NAV1: variants seen among roughly 807,000 people sequenced by gnomAD.
The protein encoded by NAV1 is pore membrane and/or filament interacting like protein 3.
Under a neutral mutation model 175.2 loss-of-function variants are expected in NAV1, and 18 were observed. The observed-to-expected ratio is 0.10, with a 90% CI of 0.07 to 0.15. NAV1 has a LOEUF of 0.15. Among genes scored for constraint, NAV1 ranks in the 10% least tolerant of loss-of-function variants. NAV1 has a pLI of 1.00. For missense variants in NAV1, 1,731 were observed against 2,436.6 expected, an observed-to-expected ratio of 0.71 and a Z score of 6.10; for synonymous variants, 897 against 978.7, an observed-to-expected ratio of 0.92 and a Z score of 1.56.
chr1:201,780,533 G>T (rs771012167), exon 4 of NAV1: 1 of 1,614,172 alleles, frequency 6.2e-7, no homozygotes, highest in Non-Finnish European at 8.5e-7. Context: ...TACTCCCACT[G>T]CTTCTCGCAG....
intron 1 of NAV1, among the ~76,000 whole-genome samples, chr1:201,668,380 T>C (rs1035067100): frequency 1.3e-5 from 2 of 152,146 alleles, no homozygotes; most frequent in Non-Finnish European, 2.9e-5. Context: ...TGATGTTCGT[T>C]AATGGGCACC....
chr1:201,678,325 C>T lies in NAV1; in HGVS notation c.757+28900C>T, dbSNP rs369173823. Reference sequence around the variant, plus strand: ...GAACTTTCCTGAAAGCTGCTGATAGCGCTCCAATGGCTGGTGTGTTTCAAG... The same window carrying T: ...GAACTTTCCTGAAAGCTGCTGATAGTGCTCCAATGGCTGGTGTGTTTCAAG... On this transcript the variant is annotated intron_variant, in intron 1 of 29. Coordinates refer to ENST00000367296, the Ensembl canonical transcript of NAV1. Among the ~76,000 whole-genome samples the T allele has an allele frequency of 1.1e-4, 17 of 152,292 alleles. No individual in the cohort carries two copies. In the East Asian group the frequency reaches 1.9e-3, roughly 17 times the overall value.
In NAV1 at chr1:201,718,611, G is replaced by A. The variant is rs1672237339; in HGVS notation, c.1082G>A (p.Arg361His). The change falls in exon 3 of 30, where the codon CGC (arginine) becomes CAC (histidine). Residue 361 changes from arginine to histidine, a missense_variant. Transcript: ENST00000367296. The surrounding 1 kb of genome is among the most constrained non-coding windows in gnomAD (Gnocchi z 4.8). ...CACTACTCCCACACCATGCCCATGC[G>A]CAGCCCCAGCAAGCTCAGCCATATC... is the stretch of plus-strand genomic sequence containing the variant. The A allele has an allele frequency of 5.6e-6, 9 of 1,614,146 alleles. No homozygotes were observed. Among genetic ancestry groups the A allele is most frequent in the South Asian group, 5.5e-5 (5 of 91,088 alleles).
intron 2 of NAV1, among the ~76,000 whole-genome samples, chr1:201,602,098 G>A (rs534110800): frequency 1.3e-5 from 2 of 151,748 alleles, no homozygotes; most frequent in East Asian, 3.9e-4. Flanking sequence ...GGTCTAAAAT[G>A]AAAAAAAACA....
chr1:201,708,144 C>T (rs1671747737), intron 1 of NAV1, among the ~76,000 whole-genome samples: 1 of 152,124 alleles, frequency 6.6e-6, no homozygotes, highest in African/African-American at 2.4e-5. Context: ...TAAGAGCCAA[C>T]AGTGTGTAGA....
Position 201,788,426 on chromosome 1 carries a change from C to T in NAV1, c.2996-42C>T, listed in dbSNP as rs1429708153. 14 of 1,610,870 alleles carry T rather than the reference C, an allele frequency of 8.7e-6. No individual in the cohort carries two copies. The highest frequency in any genetic ancestry group is 3.3e-5 in the Admixed American group (2 of 59,980). ...TGATGACCCTGCCTCTTTTCCTGCC[C>T]TCCTGCTCCCTCTCCTGTCCCCCTT... On this transcript the variant is annotated intron_variant, in intron 9 of 29. Transcript: ENST00000367296. This position sits in a 1 kb window ranked among gnomAD's most constrained non-coding sequence, Gnocchi z 5.7.
At chr1:201,550,010 C>CAAAAA (rs1186985996) in intron 1 of NAV1, among the ~76,000 whole-genome samples, 3 of 17,698 alleles carry the variant, frequency 1.7e-4, no homozygotes, top group Non-Finnish European at 2.3e-4. Flanking sequence ...GACTCCATCT[C>CAAAAA]AAAAAAAAAA....
Position 201,718,705 on chromosome 1 carries a change from C to G in NAV1, c.1176C>G (p.Asp392Glu). ...ACCTCAAGTCCGGCTACATGAGCGA[C>G]AGTGACCTCATGGGCAAGACCATGA... The change falls in exon 3 of 30, where the codon GAC becomes GAG. Residue 392 changes from aspartate (D) to glutamate (E), a missense_variant. Coordinates refer to ENST00000367296, the Ensembl canonical transcript of NAV1. The surrounding 1 kb of genome is among the most constrained non-coding windows in gnomAD (Gnocchi z 4.8). 6.2e-7 allele frequency: 1 copy of G among 1,614,144 alleles called. No individual in the cohort carries two copies. Among genetic ancestry groups the G allele is most frequent in the South Asian group, 1.1e-5 (1 of 91,084 alleles).
intron 2 of NAV1, among the ~76,000 whole-genome samples, chr1:201,639,716 C>T (rs1668697436): frequency 5.3e-5 from 8 of 152,164 alleles, no homozygotes; most frequent in Admixed American, 5.2e-4. Context: ...AACCAGTTTC[C>T]ACTCCCTCCA....
chr1:201,707,393 A>T (rs1300026201), intron 1 of NAV1, among the ~76,000 whole-genome samples: 1 of 152,158 alleles, frequency 6.6e-6, no homozygotes, highest in African/African-American at 2.4e-5. Context: ...CATGTTTGTG[A>T]ATTAGCTCTT....
chr1:201,685,761 G>C (rs1206855726), intron 1 of NAV1, among the ~76,000 whole-genome samples: 1 of 152,166 alleles, frequency 6.6e-6, no homozygotes, highest in African/African-American at 2.4e-5. Context: ...ATGAGGAGCA[G>C]GTCCAGGAAA....
chr1:201,687,162 C>T (rs966769204), intron 1 of NAV1, among the ~76,000 whole-genome samples: 1 of 152,208 alleles, frequency 6.6e-6, no homozygotes, highest in Non-Finnish European at 1.5e-5. Context: ...GTGGCTCTCC[C>T]TCTAAGGATT....
At chr1:201,783,349 T>C (rs1227761954) in intron 6 of NAV1, 57 bp from the exon 11 acceptor site, 1 of 1,529,820 alleles carries the variant, frequency 6.5e-7, no homozygotes, top group Non-Finnish European at 8.9e-7. Flanking sequence ...TAAGGTCCTA[T>C]CTGCCTCTCA....
At chr1:201,547,889 G>C (rs1016853360) in intron 1 of NAV1, among the ~76,000 whole-genome samples, 1 of 152,154 alleles carries the variant, frequency 6.6e-6, no homozygotes, top group African/African-American at 2.4e-5. Context: ...CCACCTCCCA[G>C]GTTCGAGCAA....
chr1:201,563,925 G>C (rs763964768), intron 1 of NAV1, among the ~76,000 whole-genome samples: 1 of 151,422 alleles, frequency 6.6e-6, no homozygotes. Flanking sequence ...CAAGACCCCC[G>C]TCTCTACAAG....
At chr1:201,729,053 T>G (rs1282067869) in intron 3 of NAV1, among the ~76,000 whole-genome samples, 1 of 152,226 alleles carries the variant, frequency 6.6e-6, no homozygotes, top group Non-Finnish European at 1.5e-5. Flanking sequence ...AGGAAGCTGT[T>G]GAGATGAGCT....
At chr1:201,664,965 T>A (rs1669755987) in intron 1 of NAV1, among the ~76,000 whole-genome samples, 1 of 152,216 alleles carries the variant, frequency 6.6e-6, no homozygotes, top group Non-Finnish European at 1.5e-5. Flanking sequence ...AGGTCCTGCC[T>A]GTGTGTGCCA....
chr1:201,602,425 T>A (rs984986155), intron 2 of NAV1, among the ~76,000 whole-genome samples: 2 of 152,154 alleles, frequency 1.3e-5, no homozygotes, highest in Non-Finnish European at 2.9e-5. Context: ...CACTGGAACC[T>A]CTGCCTCCCA....
chr1:201,742,742 G>A (rs1673504973), intron 3 of NAV1, among the ~76,000 whole-genome samples: 1 of 152,088 alleles, frequency 6.6e-6, no homozygotes, highest in Non-Finnish European at 1.5e-5. Flanking sequence ...CACAAACTCA[G>A]CCTCTGTGAG....
Sources: allele counts gnomAD v4.1 joint callset (sites outside exome capture counted in the v4.1 genomes callset), GRCh38; gene constraint gnomAD v4.1.1; non-coding constraint Gnocchi (gnomAD v3.1); transcripts MANE v1.5; gene names NCBI Gene and HGNC (gene_info 2026-07-23, HGNC 2026-07-21).